LURAP1L: variants seen among roughly 807,000 people sequenced by gnomAD.
LURAP1L encodes the protein leucine rich adaptor protein 1 like, also known as leucine rich adaptor protein 1-like.
In LURAP1L, 12 loss-of-function variants were observed where a neutral mutation model predicts 13.8. The observed-to-expected ratio is 0.87, with a 90% CI of 0.56 to 1.41. LURAP1L has a LOEUF of 1.41. Ranked by LOEUF, LURAP1L falls within the 40% of genes most tolerant of loss-of-function variation. The pLI, the probability that LURAP1L is intolerant of heterozygous loss-of-function variation, is 0.00. For synonymous variants in LURAP1L, 139 were observed against 119.2 expected (o/e 1.17, Z -1.08); for missense variants, 375 against 292.9 (o/e 1.28, Z -2.04).
At chr9:12,796,323 T>C (rs538415501) in intron 1 of LURAP1L, among the ~76,000 whole-genome samples, 1 of 152,154 alleles carries the variant, frequency 6.6e-6, no homozygotes, top group South Asian at 2.1e-4. Context: ...GCCATTTTTG[T>C]TACCATTTTT....
intron 1 of LURAP1L, chr9:12,814,478 T>G (rs976798415): frequency 6.6e-6 from 1 of 152,102 alleles, no homozygotes; most frequent in African/African-American, 2.4e-5. Context: ...AGGGAAACAG[T>G]TTTCACTGTA....
chr9:12,807,264 T>G (rs1221312334), intron 1 of LURAP1L, among the ~76,000 whole-genome samples: 7 of 151,596 alleles, frequency 4.6e-5, no homozygotes, highest in Admixed American at 4.6e-4. Flanking sequence ...AGACTCCATC[T>G]CAAAAACTAA....
chr9:12,815,448 T>A (rs1161421335), intron 1 of LURAP1L, among the ~76,000 whole-genome samples: 1 of 152,200 alleles, frequency 6.6e-6, no homozygotes, highest in Admixed American at 6.5e-5. Context: ...ATGATTAGTT[T>A]CTCCTAATGA....
chr9:12,807,341 C>G (rs1479988381), intron 1 of LURAP1L, among the ~76,000 whole-genome samples: 2 of 151,998 alleles, frequency 1.3e-5, no homozygotes, highest in Non-Finnish European at 2.9e-5. Flanking sequence ...CCAGGGTAAT[C>G]TGATGTATTA....
rs372125039 is a variant in LURAP1L at position 12,775,693 on chromosome 9, A to G, written c.-23A>G. 58 of 1,546,928 alleles carry G rather than the reference A, an allele frequency of 3.7e-5. No homozygotes were observed. In the African/African-American group the frequency reaches 7.1e-4, roughly 19 times the overall value. On this transcript the variant is annotated 5_prime_UTR_variant, in exon 1 of 2. Coordinates refer to ENST00000319264, the MANE Select transcript of LURAP1L (RefSeq NM_203403.2). ...CTTTCATCTGCTGCGTTTTATTACT[A>G]TTATCGCCGTTCCGGAAAAGTCATG...
intron 1 of LURAP1L, among the ~76,000 whole-genome samples, chr9:12,815,070 C>CAA (rs1819785830): frequency 6.6e-6 from 1 of 152,124 alleles, no homozygotes; most frequent in Non-Finnish European, 1.5e-5. Context: ...ACAGTGTCTT[C>CAA]TCAGGCTGCA....
chr9:12,779,337 C>T (rs1369503042), intron 1 of LURAP1L, among the ~76,000 whole-genome samples: 1 of 130,082 alleles, frequency 7.7e-6, no homozygotes, highest in Non-Finnish European at 1.5e-5. Flanking sequence ...TGCAGTGGAG[C>T]GATCTCGGCT....
In LURAP1L at chr9:12,775,975, C is replaced by G. The variant is rs866999155; in HGVS notation, c.260C>G (p.Ser87Cys). ...TCTGGCTCCCCACGAGGTAGCCACTCTAGCGCCCTGGAGAGGCTAGAAACC... is the reference window on the plus strand; with the variant it reads ...TCTGGCTCCCCACGAGGTAGCCACTGTAGCGCCCTGGAGAGGCTAGAAACC... ...PTSGSPRGSH[S>C]SALERLETKL... is the part of the protein sequence containing the mutation. Residue 87 changes from serine to cysteine, a missense_variant, in exon 1 of 2, where the codon TCT becomes TGT. Physicochemically the swap from Ser to Cys is moderately radical, Grantham distance 112. Transcript: ENST00000319264. 9.3e-6 allele frequency: 15 copies of G among 1,604,792 alleles called. No homozygotes were observed. In the Middle Eastern group the frequency reaches 2.3e-3, roughly 248 times the overall value.
At chr9:12,807,025 A>ACTAACT (rs1563896042) in intron 1 of LURAP1L, among the ~76,000 whole-genome samples, 3 of 140,144 alleles carry the variant, frequency 2.1e-5, no homozygotes, top group Non-Finnish European at 3.0e-5. Context: ...CGTCTCAAAA[A>ACTAACT]AAAAAAAAAA....
rs1430916449 is a variant in LURAP1L at position 12,822,299 on chromosome 9, G to A, written c.*539G>A. 2.0e-5 allele frequency among the ~76,000 whole-genome samples: 3 copies of A among 152,050 alleles called. No homozygotes were observed. The highest frequency in any genetic ancestry group is 7.2e-5 in the African/African-American group (3 of 41,400). On this transcript the variant is annotated 3_prime_UTR_variant, in exon 2 of 2. Coordinates refer to ENST00000319264, the MANE Select transcript of LURAP1L (RefSeq NM_203403.2). Reference sequence around the variant, plus strand: ...ATCAACCATACTGTTAGTCACACACGCCCACATGACAATCATCTGAAAGTC... The same window carrying A: ...ATCAACCATACTGTTAGTCACACACACCCACATGACAATCATCTGAAAGTC...
chr9:12,806,612 T>C (rs1311723416), intron 1 of LURAP1L, among the ~76,000 whole-genome samples: 1 of 152,178 alleles, frequency 6.6e-6, no homozygotes, highest in Non-Finnish European at 1.5e-5. Flanking sequence ...TGTTGGATAA[T>C]TGTCTAAAAC....
chr9:12,801,442 T>A (rs2118513779), intron 1 of LURAP1L, among the ~76,000 whole-genome samples: 1 of 152,198 alleles, frequency 6.6e-6, no homozygotes, highest in Admixed American at 6.5e-5. Context: ...TATGTATATA[T>A]GTAGTATGTA....
chr9:12,799,602 C>T (rs1038695063), intron 1 of LURAP1L, among the ~76,000 whole-genome samples: 5 of 151,980 alleles, frequency 3.3e-5, no homozygotes, highest in Admixed American at 6.6e-5. Context: ...AAAATTAGGC[C>T]GGGTGTGGTG....
At chr9:12,780,747 T>C (rs983949538) in intron 1 of LURAP1L, among the ~76,000 whole-genome samples, 1 of 151,546 alleles carries the variant, frequency 6.6e-6, no homozygotes, top group East Asian at 1.9e-4. Flanking sequence ...TTCTTTTTTT[T>C]AAAAAAAATA....
At chr9:12,821,329 G>C in intron 1 of LURAP1L, 57 bp from the exon 2 acceptor site, 1 of 1,543,420 alleles carries the variant, frequency 6.5e-7, no homozygotes, top group Non-Finnish European at 8.8e-7. Flanking sequence ...AGATGAATTT[G>C]AGGCCTTTCG....
At chr9:12,812,371 G>C (rs983498466) in intron 1 of LURAP1L, among the ~76,000 whole-genome samples, 12 of 152,160 alleles carry the variant, frequency 7.9e-5, no homozygotes, top group African/African-American at 2.9e-4. Flanking sequence ...ATTCAAGGTT[G>C]AAGATCTCTG....
chr9:12,799,554 T>C (rs192122751), intron 1 of LURAP1L, among the ~76,000 whole-genome samples: 219 of 152,286 alleles, frequency 1.4e-3, no homozygotes, highest in African/African-American at 4.8e-3. Flanking sequence ...CTTAATTACA[T>C]TATATTTCAA....
intron 1 of LURAP1L, among the ~76,000 whole-genome samples, chr9:12,809,584 T>G (rs1006354958): frequency 2.6e-5 from 4 of 152,242 alleles, no homozygotes; most frequent in Non-Finnish European, 5.9e-5. Context: ...TTAAATTCCT[T>G]GTCTGATAGT....
At chr9:12,779,802 A>C (rs965514215) in intron 1 of LURAP1L, among the ~76,000 whole-genome samples, 4 of 152,184 alleles carry the variant, frequency 2.6e-5, no homozygotes, top group Non-Finnish European at 5.9e-5. Context: ...GAATTTCAAA[A>C]CATTAAACAT....
Sources: gnomAD v4.1 joint callset for allele counts (sites outside exome capture counted in the v4.1 genomes callset) on GRCh38, gnomAD v4.1.1 for gene constraint, MANE v1.5 for transcripts, NCBI Gene and HGNC (gene_info 2026-07-23, HGNC 2026-07-21) for gene names.